The following AR variants were observed in gnomAD, a reference collection of about 807,000 sequenced individuals.
AR encodes the protein dihydrotestosterone receptor.
In AR, 8 loss-of-function variants were observed where a neutral mutation model predicts 53.9. The observed-to-expected ratio is 0.15, with a 90% CI of 0.09 to 0.27. The LOEUF is 0.27. Ranked by LOEUF, AR falls within the 10% of genes least tolerant of loss-of-function variation. The pLI, the probability that AR is intolerant of heterozygous loss-of-function variation, is 1.00. For synonymous variants in AR, 359 were observed against 316.4 expected (o/e 1.13, Z -1.43); for missense variants, 639 against 742.5 (o/e 0.86, Z 1.62).
intron 2 of AR, among the ~76,000 whole-genome samples, chrX:67,677,546 A>G (rs183632411): frequency 2.7e-5 from 3 of 112,283 alleles, no homozygotes; most frequent in Non-Finnish European, 3.8e-5. Flanking sequence ...AGCTTGCAAA[A>G]TAGACAGAGG....
intron 1 of AR, among the ~76,000 whole-genome samples, chrX:67,548,460 A>AT (rs1250546222): frequency 2.7e-5 from 3 of 110,884 alleles, no homozygotes; most frequent in Admixed American, 9.6e-5. Context: ...GGTAGGGTTA[A>AT]TTTTTTTTCT....
At chrX:67,575,991 T>A (rs1922027435) in intron 1 of AR, among the ~76,000 whole-genome samples, 1 of 111,763 alleles carries the variant, frequency 8.9e-6, no homozygotes. Flanking sequence ...ATCAGAATTA[T>A]GAGAAAAAAA....
At position 67,724,741 on chromosome X, in the gene AR, C is replaced by G. The variant is rs752121055; in HGVS notation, c.*900C>G. On this transcript the variant is annotated 3_prime_UTR_variant, in exon 8 of 8. Coordinates refer to ENST00000374690, the MANE Select transcript of AR (RefSeq NM_000044.6). ...CCCCCAAACCCTTTTCTCTCTCACT[C>G]TCTGCCTCCAACTTCAGATTGACTT... The G allele has an allele frequency of 2.3e-5, 4 of 174,251 alleles. No homozygotes were observed. Among genetic ancestry groups the G allele is most frequent in the African/African-American group, 1.2e-4 (4 of 33,907 alleles). The allele number at this position is 174,251 out of a possible 1,213,427, so 14.4% of individuals were successfully genotyped here. A position where few individuals can be genotyped will look rare whatever the true frequency, so the allele number is the denominator to read the frequency against.
chrX:67,682,451 A>T (rs2075940679), intron 2 of AR, among the ~76,000 whole-genome samples: 1 of 104,036 alleles, frequency 9.6e-6, no homozygotes, highest in Non-Finnish European at 2.0e-5. Flanking sequence ...CACCTAGCTA[A>T]TTTTTTTTTT....
intron 4 of AR, among the ~76,000 whole-genome samples, chrX:67,712,313 T>C (rs1237879773): frequency 8.9e-6 from 1 of 112,340 alleles, no homozygotes; most frequent in East Asian, 2.8e-4. Flanking sequence ...GAACGCTTTT[T>C]GCACCTTAAA....
At chrX:67,653,063 T>C (rs1041801053) in intron 2 of AR, among the ~76,000 whole-genome samples, 1 of 111,937 alleles carries the variant, frequency 8.9e-6, no homozygotes, top group South Asian at 3.8e-4. Context: ...GACTGGCACT[T>C]TCCCCACATA....
intron 2 of AR, among the ~76,000 whole-genome samples, chrX:67,673,371 C>CTG (rs2075878330): frequency 9.5e-6 from 1 of 105,397 alleles, no homozygotes; most frequent in Admixed American, 1.0e-4. Context: ...CTCTCTCTGT[C>CTG]TCTCTCTCTC....
At chrX:67,554,915 CAAAAAAA>C (rs749297941) in intron 1 of AR, among the ~76,000 whole-genome samples, 1 of 57,080 alleles carries the variant, frequency 1.8e-5, no homozygotes, top group Admixed American at 2.2e-4. Flanking sequence ...CAGGCTCCGT[CAAAAAAA>C]AAAAAAAAAA....
At chrX:67,693,818 T>G (rs1166502585) in intron 3 of AR, among the ~76,000 whole-genome samples, 1 of 112,410 alleles carries the variant, frequency 8.9e-6, no homozygotes, top group African/African-American at 3.2e-5. Context: ...CTTGTGATAC[T>G]TTTTAGATCT....
At chrX:67,594,793 C>CA (rs1270259393) in intron 1 of AR, among the ~76,000 whole-genome samples, 1 of 111,209 alleles carries the variant, frequency 9.0e-6, no homozygotes, top group Admixed American at 9.6e-5. Flanking sequence ...ACTAAAAATA[C>CA]AAAAAATTAG....
intron 1 of AR, among the ~76,000 whole-genome samples, chrX:67,573,480 T>C (rs771871425): frequency 1.8e-5 from 2 of 111,685 alleles, no homozygotes; most frequent in South Asian, 7.5e-4. Flanking sequence ...AATGGATTGG[T>C]TTTCTGAGGT....
chrX:67,614,714 G>GA (rs1386639231), intron 1 of AR, among the ~76,000 whole-genome samples: 1 of 111,114 alleles, frequency 9.0e-6, no homozygotes, highest in Non-Finnish European at 1.9e-5. Context: ...GGTATTATAT[G>GA]AAAAAATCAA....
At chrX:67,660,908 T>A (rs1602233582) in intron 2 of AR, among the ~76,000 whole-genome samples, 2 of 111,348 alleles carry the variant, frequency 1.8e-5, no homozygotes, top group African/African-American at 6.5e-5. Flanking sequence ...GGTTTGTAGT[T>A]CTCCTTGAAG....
chrX:67,690,361 C>T (rs142009575), intron 3 of AR, among the ~76,000 whole-genome samples: 82 of 111,858 alleles, frequency 7.3e-4, no homozygotes, highest in Middle Eastern at 9.2e-3. Flanking sequence ...TCGTTATGGA[C>T]GCTATGAACA....
Position 67,727,261 on chromosome X carries a change from A to G in AR, c.*3420A>G, listed in dbSNP as rs1008337375. The G allele has an allele frequency of 6.0e-6, 1 of 167,130 alleles. No homozygotes were observed. The allele number at this position is 167,130 out of a possible 1,213,427, so 13.8% of individuals were successfully genotyped here. On this transcript the variant is annotated 3_prime_UTR_variant, in exon 8 of 8. Transcript: ENST00000374690. Reference sequence around the variant, plus strand: ...AAGGGATATTTTGAAGGACTGTCATATATCTTTGAAAAAAGAAAATCTGTA... The same window carrying G: ...AAGGGATATTTTGAAGGACTGTCATGTATCTTTGAAAAAAGAAAATCTGTA...
intron 2 of AR, among the ~76,000 whole-genome samples, chrX:67,679,973 C>G (rs1043432373): frequency 9.0e-6 from 1 of 111,725 alleles, no homozygotes; most frequent in African/African-American, 3.2e-5. Context: ...TTAAAATGAC[C>G]TTTTCTACCT....
chrX:67,726,408 C>T lies in AR; in HGVS notation c.*2567C>T, dbSNP rs1050979706. On this transcript the variant is annotated 3_prime_UTR_variant, in exon 8 of 8. Transcript: ENST00000374690. ...GGAATGATTTTCATCTTTTGTGATA[C>T]ACAGATTGAATTATATCATTTTCAT... The T allele has an allele frequency of 5.8e-6, 1 of 173,750 alleles. No homozygotes were observed. Among genetic ancestry groups the T allele is most frequent in the African/African-American group, 2.9e-5 (1 of 34,053 alleles). 14.3% of individuals were successfully genotyped at this position (173,750 alleles called of 1,213,427 possible).
At chrX:67,663,349 G>T (rs1308359317) in intron 2 of AR, among the ~76,000 whole-genome samples, 1 of 111,880 alleles carries the variant, frequency 8.9e-6, no homozygotes, top group African/African-American at 3.2e-5. Context: ...GCATTTGCTT[G>T]TCTGTAAAGG....
At chrX:67,623,739 A>T (rs1924483275) in intron 1 of AR, among the ~76,000 whole-genome samples, 1 of 111,696 alleles carries the variant, frequency 9.0e-6, no homozygotes, top group Non-Finnish European at 1.9e-5. Context: ...AAAAAACTTT[A>T]GTCAGATTGA....
Sources: gnomAD v4.1 joint callset for allele counts (sites outside exome capture counted in the v4.1 genomes callset) on GRCh38, gnomAD v4.1.1 for gene constraint, MANE v1.5 for transcripts, NCBI Gene and HGNC (gene_info 2026-07-23, HGNC 2026-07-21) for gene names.